TEAD4: variants seen among roughly 807,000 people sequenced by gnomAD.
TEAD4 encodes the protein transcriptional enhancer factor TEF-3.
TEAD4 carries 36 observed loss-of-function variants against 52.4 expected under a neutral mutation model. The ratio of observed to expected loss-of-function variants is 0.69; its 90% confidence interval spans 0.53 to 0.91. The LOEUF is 0.91. Among genes scored for constraint, TEAD4 ranks in the 40% least tolerant of loss-of-function variants. TEAD4 has a pLI of 0.00. For missense variants in TEAD4, 508 were observed against 583.9 expected (o/e 0.87, Z 1.34); for synonymous variants, 220 against 231.0 (o/e 0.95, Z 0.43).
At chr12:2,985,691 A>C (rs1269505219) in intron 2 of TEAD4, among the ~76,000 whole-genome samples, 1 of 151,572 alleles carries the variant, frequency 6.6e-6, no homozygotes, top group African/African-American at 2.4e-5. Context: ...TTTTTAGTAG[A>C]GACGGGGTTT....
chr12:3,039,385 G>T (rs1166574020), intron 11 of TEAD4, among the ~76,000 whole-genome samples: 1 of 152,206 alleles, frequency 6.6e-6, no homozygotes, highest in Non-Finnish European at 1.5e-5. Flanking sequence ...AGAGTGTAAA[G>T]TGGACAACCA....
intron 2 of TEAD4, among the ~76,000 whole-genome samples, chr12:2,988,404 A>T (rs527240946): frequency 6.6e-6 from 1 of 151,322 alleles, no homozygotes; most frequent in Admixed American, 6.6e-5. Context: ...CTATAATCCC[A>T]GCTACTTGGG....
At chr12:2,991,520 G>A (rs2098242942) in intron 2 of TEAD4, among the ~76,000 whole-genome samples, 1 of 152,064 alleles carries the variant, frequency 6.6e-6, no homozygotes. Flanking sequence ...AAATCAGCTG[G>A]GTGTGGTGAT....
intron 2 of TEAD4, among the ~76,000 whole-genome samples, chr12:2,984,967 A>C (rs1199596121): frequency 6.6e-6 from 1 of 152,188 alleles, no homozygotes; most frequent in African/African-American, 2.4e-5. Context: ...ACTACTGTAG[A>C]CTTTATAAAA....
intron 3 of TEAD4, among the ~76,000 whole-genome samples, chr12:3,002,370 G>A (rs1478134185): frequency 2.0e-5 from 3 of 152,142 alleles, no homozygotes; most frequent in Non-Finnish European, 4.4e-5. Context: ...AGTTCTTGTG[G>A]GATTGGAATT....
At chr12:2,965,823 C>A (rs186489236) in intron 2 of TEAD4, among the ~76,000 whole-genome samples, 1 of 152,098 alleles carries the variant, frequency 6.6e-6, no homozygotes, top group Admixed American at 6.6e-5. Context: ...GGATTACAGG[C>A]GTGAGCCACC....
At chr12:2,993,957 G>C (rs6489419) in intron 2 of TEAD4, among the ~76,000 whole-genome samples, 151,879 of 152,356 alleles carry the variant, frequency 1, 75,703 homozygotes, top group Middle Eastern at 1. Context: ...TTTTGTTCAT[G>C]CATTCATCCA....
chr12:3,017,302 C>A, intron 5 of TEAD4, 96 bp from the exon 6 acceptor site: 1 of 1,538,406 alleles, frequency 6.5e-7, no homozygotes, highest in Non-Finnish European at 8.9e-7. Context: ...TGGCCACTGG[C>A]AGCGAGACAG....
intron 11 of TEAD4, among the ~76,000 whole-genome samples, chr12:3,039,698 T>C (rs3782834): frequency 6.6e-6 from 1 of 151,806 alleles, no homozygotes; most frequent in Non-Finnish European, 1.5e-5. Context: ...CTTTCTTTTT[T>C]TCTTTTTGTG....
At chr12:2,969,215 A>G (rs1373709312) in intron 2 of TEAD4, among the ~76,000 whole-genome samples, 2 of 152,170 alleles carry the variant, frequency 1.3e-5, no homozygotes, top group African/African-American at 2.4e-5. Flanking sequence ...AGAAAGCAAA[A>G]CTTGAATTTG....
At chr12:2,996,032 G>C (rs897414628) in intron 3 of TEAD4, among the ~76,000 whole-genome samples, 14 of 151,142 alleles carry the variant, frequency 9.3e-5, no homozygotes, top group African/African-American at 3.4e-4. Flanking sequence ...AATGAAGCAA[G>C]AATAAAAACT....
chr12:2,996,400 TTC>T (rs1393354575), intron 3 of TEAD4, among the ~76,000 whole-genome samples: 1 of 151,688 alleles, frequency 6.6e-6, no homozygotes, highest in Non-Finnish European at 1.5e-5. Flanking sequence ...CCTTTTTCTT[TTC>T]TCTCTCTCTC....
At chr12:2,966,358 C>A (rs975703340) in intron 2 of TEAD4, among the ~76,000 whole-genome samples, 3 of 151,658 alleles carry the variant, frequency 2.0e-5, no homozygotes, top group Non-Finnish European at 4.4e-5. Flanking sequence ...TCCATAGATA[C>A]GAGCCTCTCC....
intron 7 of TEAD4, 41 bp from the exon 8 acceptor site, chr12:3,019,074 C>T (rs1275447677): frequency 1.2e-6 from 2 of 1,612,312 alleles, no homozygotes; most frequent in African/African-American, 2.7e-5. Context: ...GGGGCGGTGG[C>T]CTGCCCGAGG....
chr12:2,961,555 C>T (rs1198668132), intron 2 of TEAD4, among the ~76,000 whole-genome samples: 1 of 152,094 alleles, frequency 6.6e-6, no homozygotes, highest in East Asian at 1.9e-4. Flanking sequence ...GGTTTGGGGT[C>T]AGGCAGACCA....
At chr12:3,032,848 G>A (rs2098276611) in intron 10 of TEAD4, among the ~76,000 whole-genome samples, 1 of 152,228 alleles carries the variant, frequency 6.6e-6, no homozygotes, top group Non-Finnish European at 1.5e-5. Flanking sequence ...ATGTGACGGG[G>A]AAAGGTACAT....
At chr12:2,960,260 G>C in intron 2 of TEAD4, 1 of 984,638 alleles carries the variant, frequency 1.0e-6, no homozygotes. Context: ...GGACCGGAGA[G>C]GCAGAACCGA....
At chr12:2,982,448 C>T (rs1043040343) in intron 2 of TEAD4, among the ~76,000 whole-genome samples, 18 of 152,218 alleles carry the variant, frequency 1.2e-4, no homozygotes, top group Non-Finnish European at 2.1e-4. Context: ...CCCAGCTCCA[C>T]GATGCCATCT....
At chr12:2,968,083 CTTTT>C (rs34430154) in intron 2 of TEAD4, among the ~76,000 whole-genome samples, 1 of 112,016 alleles carries the variant, frequency 8.9e-6, no homozygotes, top group Non-Finnish European at 1.8e-5. Flanking sequence ...ACATGTGGGT[CTTTT>C]TTTTTTTTTT....
Sources: allele counts gnomAD v4.1 joint callset (sites outside exome capture counted in the v4.1 genomes callset), GRCh38; gene constraint gnomAD v4.1.1; transcripts MANE v1.5; gene names NCBI Gene and HGNC (gene_info 2026-07-23, HGNC 2026-07-21).